Variants in CHST9 observed in about 807,000 individuals in gnomAD.
CHST9 encodes GalNAc-4-sulfotransferase 2.
A neutral mutation model predicts 44.4 loss-of-function variants in CHST9; 41 were observed. The observed-to-expected ratio is 0.92, with a 90% CI of 0.72 to 1.20. The LOEUF (loss-of-function observed/expected upper bound fraction) is 1.20. Among genes scored for constraint, CHST9 ranks in the 50% most tolerant of loss-of-function variants. CHST9 has a pLI of 0.00. For missense variants in CHST9, 504 were observed against 516.5 expected, an observed-to-expected ratio of 0.98 and a Z score of 0.23; for synonymous variants, 171 against 178.4, an observed-to-expected ratio of 0.96 and a Z score of 0.33.
chr18:27,151,800 G>A (rs958179242), intron 1 of CHST9, among the ~76,000 whole-genome samples: 1 of 152,270 alleles, frequency 6.6e-6, no homozygotes, highest in Admixed American at 6.5e-5. Context: ...AGAAGGGACC[G>A]CAGTCCTGCT....
At chr18:27,059,006 G>C (rs1461810750) in intron 2 of CHST9, among the ~76,000 whole-genome samples, 1 of 151,774 alleles carries the variant, frequency 6.6e-6, no homozygotes, top group East Asian at 1.9e-4. Context: ...TCTTTCCTAA[G>C]AGGGTTTGTT....
chr18:27,058,900 G>A lies in CHST9; in HGVS notation c.122-10397C>T, dbSNP rs144902435. ...GTTACACAGGAATAGTCAAAACAAC[G>A]CTTTTCTTTTTTTCATAATGAGAAT... On this transcript the variant is annotated intron_variant, in intron 2 of 5. Transcript: ENST00000618847. Among the ~76,000 whole-genome samples, 826 of 152,050 alleles carry A rather than the reference G, an allele frequency of 5.4e-3. 5 individuals carry two copies. Among genetic ancestry groups the A allele is most frequent in the Non-Finnish European group, 8.5e-3 (578 of 67,968 alleles).
At chr18:27,081,342 C>CA (rs1232494607) in intron 2 of CHST9, among the ~76,000 whole-genome samples, 1 of 151,186 alleles carries the variant, frequency 6.6e-6, no homozygotes, top group African/African-American at 2.4e-5. Flanking sequence ...GACCCTGACT[C>CA]AAAAAAACAA....
intron 4 of CHST9, among the ~76,000 whole-genome samples, chr18:27,018,639 A>G (rs990858520): frequency 2.6e-5 from 4 of 152,188 alleles, no homozygotes; most frequent in Admixed American, 6.5e-5. Flanking sequence ...ACAAATCTGA[A>G]GATTTATGCT....
At chr18:26,951,565 T>C (rs1365376841) in intron 4 of CHST9, among the ~76,000 whole-genome samples, 5 of 152,112 alleles carry the variant, frequency 3.3e-5, no homozygotes, top group Non-Finnish European at 7.4e-5. Context: ...CTTTTTGTTT[T>C]TTTTTTGGTC....
chr18:26,954,749 C>T (rs147409708), intron 4 of CHST9, among the ~76,000 whole-genome samples: 163 of 152,228 alleles, frequency 1.1e-3, no homozygotes, highest in African/African-American at 3.6e-3. Context: ...CCTATTGTTT[C>T]TTTCATAGCA....
chr18:27,034,201 T>A (rs75792750), intron 3 of CHST9, among the ~76,000 whole-genome samples: 3,572 of 152,300 alleles, frequency 0.023, 162 homozygotes, highest in African/African-American at 0.081. Flanking sequence ...CTAATAGTAT[T>A]ATTCACCAGC....
chr18:27,089,251 A>G (rs535575497), intron 2 of CHST9, among the ~76,000 whole-genome samples: 4 of 151,876 alleles, frequency 2.6e-5, no homozygotes, highest in Admixed American at 6.6e-5. Flanking sequence ...CTCATCATTT[A>G]CATTAGGTAT....
rs367936754 is a variant in CHST9 at position 27,149,404 on chromosome 18, C to T, written c.-96-6499G>A. Among the ~76,000 whole-genome samples the T allele has an allele frequency of 1.4e-4, 21 of 152,130 alleles. No homozygotes were observed. In the South Asian group the frequency reaches 3.1e-3, roughly 23 times the overall value. On this transcript the variant is annotated intron_variant, in intron 1 of 5. Coordinates refer to ENST00000618847, the MANE Select transcript of CHST9 (RefSeq NM_031422.6). ...TTTTTCATGGCTGCATAGTATTCCA[C>T]GGTATAGACGTACCACATTTTCTTT...
intron 2 of CHST9, among the ~76,000 whole-genome samples, chr18:27,093,493 G>A (rs566647571): frequency 1.3e-5 from 2 of 152,320 alleles, no homozygotes; most frequent in South Asian, 2.1e-4. Flanking sequence ...CTCGCAGATC[G>A]ATCTCAGACT....
chr18:26,975,761 ATAT>A (rs1365534414), intron 4 of CHST9, among the ~76,000 whole-genome samples: 17 of 98,976 alleles, frequency 1.7e-4, no homozygotes, highest in Non-Finnish European at 3.4e-4. Context: ...ATATATATAT[ATAT>A]AACATTTTCT....
At chr18:27,013,240 A>C (rs1025248370) in intron 4 of CHST9, among the ~76,000 whole-genome samples, 2 of 152,254 alleles carry the variant, frequency 1.3e-5, no homozygotes, top group African/African-American at 2.4e-5. Flanking sequence ...ATATTTGCCA[A>C]GTCTGTGCAT....
chr18:27,036,681 C>T (rs1483701163), intron 3 of CHST9, among the ~76,000 whole-genome samples: 1 of 152,112 alleles, frequency 6.6e-6, no homozygotes, highest in Non-Finnish European at 1.5e-5. Context: ...GACTGGGCCA[C>T]GACATGATTT....
At chr18:26,975,924 A>G (rs2056618763) in intron 4 of CHST9, among the ~76,000 whole-genome samples, 2 of 151,252 alleles carry the variant, frequency 1.3e-5, no homozygotes, top group African/African-American at 4.9e-5. Context: ...GTATTCCCAC[A>G]TACTTCTGTT....
At chr18:27,023,916 G>A (rs531479115) in intron 4 of CHST9, among the ~76,000 whole-genome samples, 200 bp downstream of exon 4, 11 of 152,254 alleles carry the variant, frequency 7.2e-5, no homozygotes, top group African/African-American at 2.2e-4. Flanking sequence ...GACAAGGATC[G>A]TGGTTTGCTT....
At chr18:26,927,775 A>G (rs1441968983) in intron 5 of CHST9, among the ~76,000 whole-genome samples, 2 of 150,830 alleles carry the variant, frequency 1.3e-5, no homozygotes, top group Non-Finnish European at 2.9e-5. Context: ...TCTCAACTGC[A>G]AAGAGGCCTT....
chr18:27,035,278 T>C (rs1003672782), intron 3 of CHST9, among the ~76,000 whole-genome samples: 1 of 152,344 alleles, frequency 6.6e-6, no homozygotes, highest in Admixed American at 6.5e-5. Flanking sequence ...TATTTTCATA[T>C]ACCTATTGGC....
At chr18:26,981,670 G>A (rs2056693584) in intron 4 of CHST9, among the ~76,000 whole-genome samples, 1 of 152,194 alleles carries the variant, frequency 6.6e-6, no homozygotes, top group South Asian at 2.1e-4. Context: ...CACTTTGCAT[G>A]TGTACAGTGC....
intron 2 of CHST9, among the ~76,000 whole-genome samples, chr18:27,140,568 T>C (rs1294669849): frequency 6.6e-6 from 1 of 152,220 alleles, no homozygotes; most frequent in African/African-American, 2.4e-5. Flanking sequence ...TTTGTGAAAT[T>C]TGTTATGAGA....
Sources: allele counts gnomAD v4.1 joint callset (sites outside exome capture counted in the v4.1 genomes callset), GRCh38; gene constraint gnomAD v4.1.1; transcripts MANE v1.5; gene names NCBI Gene and HGNC (gene_info 2026-07-23, HGNC 2026-07-21).